Variants in TTC29 observed in about 807,000 individuals in gnomAD.
TTC29 encodes tetratricopeptide repeat protein 29.
Under a neutral mutation model 58.1 loss-of-function variants are expected in TTC29, and 49 were observed. That is an observed-to-expected ratio of 0.84 (90% CI 0.67 to 1.07). The LOEUF is 1.07. TTC29 is among the 50% of genes least tolerant of loss of function. The pLI, the probability that TTC29 is intolerant of heterozygous loss-of-function variation, is 0.00. For missense variants in TTC29, 582 were observed against 555.6 expected (o/e 1.05, Z -0.48); for synonymous variants, 209 against 196.8 (o/e 1.06, Z -0.52).
intron 11 of TTC29, among the ~76,000 whole-genome samples, chr4:146,729,299 G>A (rs1196210483): frequency 6.6e-6 from 1 of 152,022 alleles, no homozygotes; most frequent in Non-Finnish European, 1.5e-5. Context: ...GTAAAGTTCA[G>A]CATTTTTCAC....
At chr4:146,840,130 A>G (rs1414264052) in intron 8 of TTC29, among the ~76,000 whole-genome samples, 1 of 151,366 alleles carries the variant, frequency 6.6e-6, no homozygotes, top group Non-Finnish European at 1.5e-5. Context: ...AACCTTTGAT[A>G]CTATCTCTTA....
intron 9 of TTC29, among the ~76,000 whole-genome samples, chr4:146,826,907 T>C (rs1325413171): frequency 6.6e-6 from 1 of 151,850 alleles, no homozygotes; most frequent in Non-Finnish European, 1.5e-5. Flanking sequence ...TTGATACTTG[T>C]GTATGCTTCA....
At chr4:146,809,594 T>C (rs1750869458) in intron 10 of TTC29, among the ~76,000 whole-genome samples, 1 of 149,132 alleles carries the variant, frequency 6.7e-6, no homozygotes, top group Admixed American at 6.9e-5. Context: ...CATCAAAAAG[T>C]GGGCAAAGGA....
chr4:146,942,593 G>C (rs1196092759), intron 2 of TTC29: 12 of 1,532,754 alleles, frequency 7.8e-6, no homozygotes, highest in Non-Finnish European at 7.9e-6. Flanking sequence ...CTTCAGAGGA[G>C]CTGTGAAGAC....
At chr4:146,867,392 G>C (rs1730631924) in intron 8 of TTC29, 106 bp downstream of exon 8, 5 of 502,828 alleles carry the variant, frequency 9.9e-6, no homozygotes. Context: ...GCACACCTAT[G>C]TCAGGCCTAA....
chr4:146,905,355 T>C (rs1733451947), intron 5 of TTC29, among the ~76,000 whole-genome samples: 1 of 149,816 alleles, frequency 6.7e-6, no homozygotes, highest in Admixed American at 6.7e-5. Flanking sequence ...AAAATATATG[T>C]AGTCCCGAAA....
Position 146,920,304 on chromosome 4 carries a change from A to G in TTC29, c.177-11055T>C, listed in dbSNP as rs145815567. Among the ~76,000 whole-genome samples, 14 of 151,194 alleles carry G rather than the reference A, an allele frequency of 9.3e-5. No individual in the cohort carries two copies. In the East Asian group the frequency reaches 2.5e-3, roughly 27 times the overall value. On this transcript the variant is annotated intron_variant, in intron 4 of 12. Coordinates refer to ENST00000325106, the MANE Select transcript of TTC29 (RefSeq NM_031956.4). Reference sequence around the variant, plus strand: ...GTAAAACAATCAATTCTTTACACCTATAGGTTCGTCATATATATTCTAATG... The same window carrying G: ...GTAAAACAATCAATTCTTTACACCTGTAGGTTCGTCATATATATTCTAATG...
At chr4:146,825,406 G>T (rs1277333059) in intron 9 of TTC29, among the ~76,000 whole-genome samples, 4 of 152,138 alleles carry the variant, frequency 2.6e-5, no homozygotes, top group African/African-American at 9.7e-5. Flanking sequence ...ATGTAATTTT[G>T]CAGTTTTGAG....
intron 11 of TTC29, among the ~76,000 whole-genome samples, chr4:146,782,940 C>G (rs1183771005): frequency 6.6e-6 from 1 of 151,908 alleles, no homozygotes; most frequent in East Asian, 1.9e-4. Context: ...CATGTGGTCC[C>G]CTCAAGAGTT....
chr4:146,788,200 C>A (rs999369074), intron 11 of TTC29, among the ~76,000 whole-genome samples: 4 of 152,178 alleles, frequency 2.6e-5, no homozygotes, highest in Non-Finnish European at 5.9e-5. Flanking sequence ...TTCCCAGGAA[C>A]ACATAAGAAT....
At chr4:146,927,972 A>T (rs779827786) in intron 4 of TTC29, among the ~76,000 whole-genome samples, 14 of 152,200 alleles carry the variant, frequency 9.2e-5, no homozygotes, top group Non-Finnish European at 1.6e-4. Flanking sequence ...CTTGTAGTCA[A>T]GTATAGGAAA....
intron 11 of TTC29, among the ~76,000 whole-genome samples, chr4:146,780,340 T>TGC (rs1467597491): frequency 1.3e-5 from 2 of 150,344 alleles, no homozygotes; most frequent in Non-Finnish European, 3.0e-5. Context: ...TGTGTGTGTG[T>TGC]GTGTGTGTAG....
At chr4:146,892,463 G>A (rs1431452956) in intron 6 of TTC29, among the ~76,000 whole-genome samples, 1 of 152,098 alleles carries the variant, frequency 6.6e-6, no homozygotes, top group African/African-American at 2.4e-5. Flanking sequence ...TGCAGAAAAG[G>A]CCTTTGACAA....
intron 4 of TTC29, among the ~76,000 whole-genome samples, chr4:146,917,432 T>G (rs1165036479): frequency 2.0e-5 from 3 of 148,588 alleles, no homozygotes; most frequent in Admixed American, 6.7e-5. Flanking sequence ...TTGATTTTTT[T>G]GCAGAATTTA....
In TTC29 at chr4:146,706,954, A is replaced by T. The variant is rs1741997802; in HGVS notation, c.*204T>A. 2 of 382,210 alleles carry T rather than the reference A, an allele frequency of 5.2e-6. No homozygotes were observed. The highest frequency in any genetic ancestry group is 9.3e-6 in the Non-Finnish European group (2 of 215,780). 23.7% of individuals were successfully genotyped at this position (382,210 alleles called of 1,614,324 possible). On this transcript the variant is annotated 3_prime_UTR_variant, in exon 13 of 13. Transcript: ENST00000325106. ...TGGATGATTGCTGATATTTCTAAGAATTGGAATATATTTTATTTTCATGGA... is the reference window on the plus strand; with the variant it reads ...TGGATGATTGCTGATATTTCTAAGATTTGGAATATATTTTATTTTCATGGA...
At chr4:146,789,900 G>T (rs899113277) in intron 11 of TTC29, among the ~76,000 whole-genome samples, 2 of 152,108 alleles carry the variant, frequency 1.3e-5, no homozygotes, top group Non-Finnish European at 2.9e-5. Context: ...TGATAACTCA[G>T]TAACAACTGG....
chr4:146,753,064 A>G (rs1746143110), intron 11 of TTC29, among the ~76,000 whole-genome samples: 1 of 152,256 alleles, frequency 6.6e-6, no homozygotes, highest in African/African-American at 2.4e-5. Context: ...ATCTAATTAA[A>G]CTAAAGAGCT....
chr4:146,889,948 G>A (rs1010044902), intron 6 of TTC29, among the ~76,000 whole-genome samples: 10 of 152,186 alleles, frequency 6.6e-5, no homozygotes, highest in African/African-American at 2.4e-4. Context: ...TTTTTTATGT[G>A]TAGAGCTTAA....
Position 146,881,425 on chromosome 4 carries a change from C to A in TTC29, c.587-6497G>T, listed in dbSNP as rs867185892. 7.9e-5 allele frequency among the ~76,000 whole-genome samples: 12 copies of A among 152,182 alleles called. No homozygotes were observed. The Middle Eastern group carries it at 0.014, about 173-fold the overall frequency. ...AATATTCCACTTTAGTTTAAAACAA[C>A]AACCTAAAGGAACAATAAAGCTTTA... is the stretch of plus-strand genomic sequence containing the variant. On this transcript the variant is annotated intron_variant, in intron 6 of 12. Coordinates refer to ENST00000325106, the MANE Select transcript of TTC29 (RefSeq NM_031956.4).
Sources: gnomAD v4.1 joint callset for allele counts (sites outside exome capture counted in the v4.1 genomes callset) on GRCh38, gnomAD v4.1.1 for gene constraint, MANE v1.5 for transcripts, NCBI Gene and HGNC (gene_info 2026-07-23, HGNC 2026-07-21) for gene names.